HMGCLL1: variants seen among roughly 807,000 people sequenced by gnomAD.
HMGCLL1 encodes the protein 3-hydroxymethyl-3-methylglutaryl-CoA lyase, cytoplasmic.
A neutral mutation model predicts 39.1 loss-of-function variants in HMGCLL1; 36 were observed. The ratio of observed to expected loss-of-function variants is 0.92; its 90% CI spans 0.71 to 1.22. HMGCLL1 has a LOEUF of 1.22. Among genes scored for constraint, HMGCLL1 ranks in the 50% most tolerant of loss-of-function variants. The pLI, the probability that HMGCLL1 is intolerant of heterozygous loss-of-function variation, is 0.00. For synonymous variants in HMGCLL1, 149 were observed against 144.0 expected (o/e 1.03, Z -0.25); for missense variants, 451 against 416.5 (o/e 1.08, Z -0.72).
At chr6:55,534,021 TG>T (rs1191921668) in intron 3 of HMGCLL1, among the ~76,000 whole-genome samples, 4 of 152,132 alleles carry the variant, frequency 2.6e-5, no homozygotes, top group African/African-American at 9.7e-5. Context: ...GTAAAGACAG[TG>T]ATTTGTGTGG....
At chr6:55,437,556 A>G (rs1763421667) in intron 8 of HMGCLL1, among the ~76,000 whole-genome samples, 1 of 152,006 alleles carries the variant, frequency 6.6e-6, no homozygotes, top group Non-Finnish European at 1.5e-5. Context: ...AGAGCAGTCC[A>G]AGATATCTTA....
chr6:55,465,124 G>A (rs1764742502), intron 7 of HMGCLL1, among the ~76,000 whole-genome samples: 1 of 152,070 alleles, frequency 6.6e-6, no homozygotes, highest in Admixed American at 6.6e-5. Context: ...TTACAACAAA[G>A]GTTTTAATAT....
chr6:55,591,583 C>T, the HMGCLL1 span, among the ~76,000 whole-genome samples: 1 of 150,994 alleles, frequency 6.6e-6, no homozygotes, highest in South Asian at 2.1e-4. Flanking sequence ...CTTTTTTTCC[C>T]CTTGGTGGCC....
chr6:55,581,070 A>G (rs2127482266), upstream of HMGCLL1, among the ~76,000 whole-genome samples: 1 of 152,322 alleles, frequency 6.6e-6, no homozygotes, highest in African/African-American at 2.4e-5. Context: ...GGAGTCAACA[A>G]TCATTCTAAA....
intron 5 of HMGCLL1, chr6:55,512,470 C>A (rs1478999933): frequency 6.6e-6 from 1 of 151,896 alleles, no homozygotes; most frequent in East Asian, 1.9e-4. Flanking sequence ...TATTTTATGT[C>A]TTTGGAAGTA....
At chr6:55,613,918 T>C in the HMGCLL1 span, among the ~76,000 whole-genome samples, 8 of 152,078 alleles carry the variant, frequency 5.3e-5, no homozygotes, top group Non-Finnish European at 1.2e-4. Context: ...TACACATGTA[T>C]CCCAGAACTT....
chr6:55,488,185 G>C (rs1766138839), intron 7 of HMGCLL1, among the ~76,000 whole-genome samples: 1 of 151,882 alleles, frequency 6.6e-6, no homozygotes, highest in Admixed American at 6.6e-5. Context: ...ACATTTCTTG[G>C]GAAATCTGTT....
chr6:55,510,307 C>T (rs1301356946), intron 5 of HMGCLL1, among the ~76,000 whole-genome samples: 3 of 151,708 alleles, frequency 2.0e-5, no homozygotes, highest in African/African-American at 7.3e-5. Flanking sequence ...ACCCAAAGGA[C>T]TATAAATCAT....
At chr6:55,634,635 G>A in the HMGCLL1 span, among the ~76,000 whole-genome samples, 1 of 152,068 alleles carries the variant, frequency 6.6e-6, no homozygotes, top group Admixed American at 6.6e-5. Context: ...ACATAGATCA[G>A]TCTGTTAATA....
rs78918159 is a variant in HMGCLL1, at chr6:55,551,057, AT to A, written c.109-8918del. Among the ~76,000 whole-genome samples the A allele has an allele frequency of 2.4e-3, 358 of 148,570 alleles. 15 individuals are homozygous for A. The highest frequency in any genetic ancestry group is 7.0e-3 in the Middle Eastern group (2 of 284). Reference sequence around the variant, plus strand: ...CAATTTTCAGACCAAAAAAAAAAAAATAAACCACAAGTGACTGAAGCAGCAG... The same window carrying A: ...CAATTTTCAGACCAAAAAAAAAAAAAAAACCACAAGTGACTGAAGCAGCAG... On this transcript the variant is annotated intron_variant, in intron 1 of 8. Transcript: ENST00000274901.
At chr6:55,568,106 G>C (rs1771301352) in intron 1 of HMGCLL1, among the ~76,000 whole-genome samples, 1 of 152,066 alleles carries the variant, frequency 6.6e-6, no homozygotes, top group Admixed American at 6.6e-5. Context: ...GTTTTGGAAT[G>C]AATGTTTTGG....
chr6:55,597,828 AT>A, the HMGCLL1 span, among the ~76,000 whole-genome samples: 750 of 152,296 alleles, frequency 4.9e-3, 8 homozygotes, highest in African/African-American at 0.017. Context: ...AACTGAATTC[AT>A]TTTTTTGATA....
Position 55,576,613 on chromosome 6 carries a change from C to G in HMGCLL1, c.108+2335G>C, listed in dbSNP as rs186972884. Among the ~76,000 whole-genome samples the G allele has an allele frequency of 9.9e-5, 15 of 152,248 alleles. No homozygotes were observed. In the East Asian group the frequency reaches 2.7e-3, roughly 27 times the overall value. ...CTGGAAAGTAAGAAGACTACTGCAA[C>G]AGCCCAGTCATCCATATGAGAGATA... On this transcript the variant is annotated intron_variant, in intron 1 of 8. Coordinates refer to ENST00000274901, the MANE Select transcript of HMGCLL1 (RefSeq NM_001042406.2).
At chr6:55,620,052 A>G in the HMGCLL1 span, among the ~76,000 whole-genome samples, 1 of 152,184 alleles carries the variant, frequency 6.6e-6, no homozygotes, top group Non-Finnish European at 1.5e-5. Context: ...TCCATTGTGT[A>G]TAAGTACCTC....
intron 1 of HMGCLL1, among the ~76,000 whole-genome samples, chr6:55,552,164 T>C (rs1180834744): frequency 6.6e-6 from 1 of 151,998 alleles, no homozygotes; most frequent in East Asian, 1.9e-4. Context: ...GATTGCTGAA[T>C]ACTCATTACA....
chr6:55,448,375 A>C (rs1163512954), intron 7 of HMGCLL1, among the ~76,000 whole-genome samples: 1 of 150,438 alleles, frequency 6.6e-6, no homozygotes, highest in Non-Finnish European at 1.5e-5. Flanking sequence ...AAAATACATA[A>C]TATGAAAAAA....
intron 1 of HMGCLL1, among the ~76,000 whole-genome samples, chr6:55,558,776 AC>A (rs1343593507): frequency 6.6e-6 from 1 of 152,200 alleles, no homozygotes; most frequent in African/African-American, 2.4e-5. Context: ...TTTGCTTTCA[AC>A]CATGCTACCC....
chr6:55,440,268 C>T (rs1366394980), intron 7 of HMGCLL1, among the ~76,000 whole-genome samples: 1 of 152,114 alleles, frequency 6.6e-6, no homozygotes, highest in East Asian at 1.9e-4. Flanking sequence ...AGTAGATACT[C>T]TTGTATCATC....
At chr6:55,631,676 C>T in the HMGCLL1 span, among the ~76,000 whole-genome samples, 498 of 152,164 alleles carry the variant, frequency 3.3e-3, 4 homozygotes, top group African/African-American at 0.011. Flanking sequence ...TCATTGATTA[C>T]TATGTAATCA....
Sources: gnomAD v4.1 joint callset for allele counts (sites outside exome capture counted in the v4.1 genomes callset) on GRCh38, gnomAD v4.1.1 for gene constraint, MANE v1.5 for transcripts, NCBI Gene and HGNC (gene_info 2026-07-23, HGNC 2026-07-21) for gene names.